The following DTWD2 variants were observed in gnomAD, a reference collection of about 807,000 sequenced individuals.
The protein encoded by DTWD2 is tRNA-uridine aminocarboxypropyltransferase 2.
Under a neutral mutation model 31.8 loss-of-function variants are expected in DTWD2, and 39 were observed. The observed-to-expected ratio is 1.22, with a 90% CI of 0.95 to 1.60. DTWD2 has a LOEUF of 1.60. Among genes scored for constraint, DTWD2 ranks in the 40% most tolerant of loss-of-function variants. The probability of loss-of-function intolerance (pLI) is 0.00; values close to 1 mark genes in which losing one functional copy is unlikely to be tolerated. For synonymous variants in DTWD2, 180 were observed against 142.8 expected (o/e 1.26, Z -1.86); for missense variants, 515 against 381.5 (o/e 1.35, Z -2.92).
intron 1 of DTWD2, among the ~76,000 whole-genome samples, chr5:118,970,196 G>A (rs1754953139): frequency 6.6e-6 from 1 of 152,232 alleles, no homozygotes; most frequent in Admixed American, 6.5e-5. Context: ...GGAGGCCGAG[G>A]CAGGCAGATC....
intron 1 of DTWD2, among the ~76,000 whole-genome samples, chr5:118,960,921 T>A (rs924352666): frequency 6.6e-5 from 10 of 152,102 alleles, no homozygotes; most frequent in Non-Finnish European, 1.2e-4. Flanking sequence ...TGAGGCCTAA[T>A]TGAGGGTGGA....
intron 4 of DTWD2, among the ~76,000 whole-genome samples, chr5:118,851,634 G>T (rs934694020): frequency 7.3e-6 from 1 of 137,306 alleles, no homozygotes; most frequent in Non-Finnish European, 1.5e-5. Flanking sequence ...AACAGCGTTC[G>T]ACAATGAGAA....
chr5:118,868,218 G>C (rs1394679262), intron 4 of DTWD2, among the ~76,000 whole-genome samples: 1 of 151,632 alleles, frequency 6.6e-6, no homozygotes. Flanking sequence ...ACATGCAAAA[G>C]AATGTTGTTG....
intron 1 of DTWD2, among the ~76,000 whole-genome samples, chr5:118,985,940 T>C (rs1471873208): frequency 6.6e-6 from 1 of 152,160 alleles, no homozygotes; most frequent in Non-Finnish European, 1.5e-5. Flanking sequence ...TAAATAGATA[T>C]GCCACTTTCC....
chr5:118,848,548 A>C (rs920509672), intron 4 of DTWD2, among the ~76,000 whole-genome samples: 3 of 152,214 alleles, frequency 2.0e-5, no homozygotes, highest in Non-Finnish European at 4.4e-5. Context: ...ATCTAATGTA[A>C]ATTAAAACCA....
chr5:118,879,035 T>TGG (rs56849234), intron 4 of DTWD2, among the ~76,000 whole-genome samples: 5 of 152,052 alleles, frequency 3.3e-5, no homozygotes, highest in Admixed American at 3.3e-4. Context: ...TCTACACTGT[T>TGG]GGGGGGCTGT....
intron 4 of DTWD2, among the ~76,000 whole-genome samples, chr5:118,869,692 A>C (rs1274796379): frequency 6.6e-6 from 1 of 152,194 alleles, no homozygotes; most frequent in African/African-American, 2.4e-5. Flanking sequence ...GGTATGGAAA[A>C]AGATACTCCA....
intron 1 of DTWD2, among the ~76,000 whole-genome samples, chr5:118,952,770 A>G (rs530322832): frequency 1.3e-3 from 191 of 152,302 alleles, no homozygotes; most frequent in African/African-American, 4.4e-3. Context: ...AATATTTACA[A>G]TATTATTTTA....
chr5:118,933,878 C>CTAAA (rs202062539), intron 3 of DTWD2, among the ~76,000 whole-genome samples: 8,887 of 145,330 alleles, frequency 0.061, 300 homozygotes, highest in South Asian at 0.1. Context: ...GGGAACTGAC[C>CTAAA]TAAATAAATA....
chr5:118,926,327 A>C, intron 4 of DTWD2, among the ~76,000 whole-genome samples: 1 of 152,156 alleles, frequency 6.6e-6, no homozygotes, highest in East Asian at 1.9e-4. Flanking sequence ...TTATGTTCTC[A>C]CTTATAAGTG....
intron 4 of DTWD2, among the ~76,000 whole-genome samples, chr5:118,865,991 T>C (rs1392621573): frequency 1.3e-5 from 2 of 150,546 alleles, no homozygotes; most frequent in African/African-American, 5.0e-5. Context: ...GGTACGTGTG[T>C]CTGCGTGTGT....
chr5:118,839,685 A>C lies in DTWD2; in HGVS notation c.*1232T>G, dbSNP rs1234115472. On this transcript the variant is annotated 3_prime_UTR_variant, in exon 6 of 6. Transcript: ENST00000510708. ...CCCTAATTTGTTTTTAAATCCAAAAATAAATCAACAATAGAAGCCAGCACT... is the reference window on the plus strand; with the variant it reads ...CCCTAATTTGTTTTTAAATCCAAAACTAAATCAACAATAGAAGCCAGCACT... 1.3e-5 allele frequency: 2 copies of C among 152,206 alleles called. No individual in the cohort carries two copies. Among genetic ancestry groups the C allele is most frequent in the African/African-American group, 2.4e-5 (1 of 41,438 alleles). The allele number at this position is 152,206 out of a possible 1,614,324, so 9.4% of individuals were successfully genotyped here.
intron 1 of DTWD2, among the ~76,000 whole-genome samples, chr5:118,946,322 A>G (rs1754338204): frequency 6.6e-6 from 1 of 152,146 alleles, no homozygotes; most frequent in South Asian, 2.1e-4. Context: ...TGAGATGGAA[A>G]GTCTTTCTGT....
intron 2 of DTWD2, among the ~76,000 whole-genome samples, chr5:118,944,113 T>C (rs1336967688): frequency 6.6e-6 from 1 of 152,238 alleles, no homozygotes; most frequent in South Asian, 2.1e-4. Context: ...AATATACATG[T>C]TTCTTCTATT....
Position 118,988,311 on chromosome 5 carries a change from A to G in DTWD2, c.201T>C (p.Pro67=), listed in dbSNP as rs1384522027. Residue 67 remains proline (P), a synonymous_variant, in exon 1 of 6, where the codon CCT becomes CCC. Transcript: ENST00000510708. ...ELPVEPAERR[P]ECTRCSRPQK... ...GCGGTCACCTGCAGCGGGTGCACTC[A>G]GGCCTCCGCTCGGCCGGCTCCACCG... 7 of 1,525,230 alleles carry G rather than the reference A, an allele frequency of 4.6e-6. No homozygotes were observed. Among genetic ancestry groups the G allele is most frequent in the Non-Finnish European group, 6.1e-6 (7 of 1,140,888 alleles). 94.5% of individuals were successfully genotyped at this position (1,525,230 alleles called of 1,614,324 possible). A position where few individuals can be genotyped will look rare whatever the true frequency, so the allele number is the denominator to read the frequency against.
At chr5:118,975,850 G>C (rs188351775) in intron 1 of DTWD2, among the ~76,000 whole-genome samples, 9 of 152,142 alleles carry the variant, frequency 5.9e-5, no homozygotes, top group Non-Finnish European at 1.3e-4. Flanking sequence ...AGACCTAATA[G>C]ACATCTACAG....
intron 1 of DTWD2, among the ~76,000 whole-genome samples, chr5:118,979,244 C>T (rs1324822620): frequency 1.3e-5 from 2 of 152,112 alleles, no homozygotes; most frequent in Non-Finnish European, 2.9e-5. Flanking sequence ...GCAGAGCTTG[C>T]AGTGAGCAAA....
intron 4 of DTWD2, among the ~76,000 whole-genome samples, chr5:118,921,560 T>G (rs750070887): frequency 1.8e-4 from 27 of 149,432 alleles, no homozygotes; most frequent in Non-Finnish European, 2.8e-4. Context: ...AAAAAAAAAG[T>G]AAAAAGTAAA....
chr5:118,869,683 G>C (rs955403176), intron 4 of DTWD2, among the ~76,000 whole-genome samples: 7 of 152,044 alleles, frequency 4.6e-5, no homozygotes, highest in Admixed American at 6.6e-5. Flanking sequence ...AATTCTGTAG[G>C]TATGGAAAAA....
Sources: allele counts gnomAD v4.1 joint callset (sites outside exome capture counted in the v4.1 genomes callset), GRCh38; gene constraint gnomAD v4.1.1; transcripts MANE v1.5; gene names NCBI Gene and HGNC (gene_info 2026-07-23, HGNC 2026-07-21).